The following CMSS1 variants were observed in gnomAD, a reference collection of about 807,000 sequenced individuals.
CMSS1 encodes the protein protein CMSS1.
A neutral mutation model predicts 43.5 loss-of-function variants in CMSS1; 33 were observed. The ratio of observed to expected loss-of-function variants is 0.76; its 90% CI spans 0.57 to 1.01. The LOEUF (loss-of-function observed/expected upper bound fraction) is 1.01, where lower values mean the gene tolerates loss of function less well. Ranked by LOEUF, CMSS1 falls within the 50% of genes least tolerant of loss-of-function variation. CMSS1 has a pLI of 0.00. For missense variants in CMSS1, 313 were observed against 326.4 expected, an observed-to-expected ratio of 0.96 and a Z score of 0.32; for synonymous variants, 115 against 117.2, an observed-to-expected ratio of 0.98 and a Z score of 0.12.
chr3:100,015,096 C>T (rs1308382588), intron 1 of CMSS1, among the ~76,000 whole-genome samples: 1 of 151,654 alleles, frequency 6.6e-6, no homozygotes, highest in Non-Finnish European at 1.5e-5. Flanking sequence ...GGTCTAATTT[C>T]ATTCTTCCTC....
In CMSS1 at chr3:100,162,391, G is replaced by A. The variant is rs1160927944; in HGVS notation, c.314G>A (p.Ser105Asn). 1.2e-6 allele frequency: 2 copies of A among 1,613,324 alleles called. No homozygotes were observed. The highest frequency in any genetic ancestry group is 2.2e-5 in the South Asian group (2 of 91,000). ...AAGCTGATGAAGGACTATTATAGCAGCAGACGCTTGGTGATTGAATTAGAA... is the reference window on the plus strand; with the variant it reads ...AAGCTGATGAAGGACTATTATAGCAACAGACGCTTGGTGATTGAATTAGAA... ...LQKLMKDYYS[S>N]RRLVIELEEL... Residue 105 changes from serine (S) to asparagine (N), a missense_variant, in exon 4 of 10, where the codon AGC becomes AAC. Transcript: ENST00000421999.
At chr3:99,963,092 G>C (rs1708541497) in intron 1 of CMSS1, among the ~76,000 whole-genome samples, 1 of 152,228 alleles carries the variant, frequency 6.6e-6, no homozygotes, top group Non-Finnish European at 1.5e-5. Flanking sequence ...CTGTCAAAGA[G>C]GGTTTAGCCT....
At chr3:100,139,649 T>C (rs2066788576) in intron 1 of CMSS1, among the ~76,000 whole-genome samples, 1 of 149,338 alleles carries the variant, frequency 6.7e-6, no homozygotes, top group Non-Finnish European at 1.5e-5. Context: ...ACACAAAAAT[T>C]AGCTGGGCAT....
At chr3:100,038,982 T>C (rs1268380571) in intron 1 of CMSS1, among the ~76,000 whole-genome samples, 1 of 152,214 alleles carries the variant, frequency 6.6e-6, no homozygotes, top group Non-Finnish European at 1.5e-5. Flanking sequence ...ACACACAATA[T>C]TGCTTGCCTA....
intron 1 of CMSS1, among the ~76,000 whole-genome samples, chr3:100,033,034 A>G (rs553944367): frequency 3.3e-5 from 5 of 152,114 alleles, no homozygotes; most frequent in African/African-American, 7.2e-5. Flanking sequence ...TTTCCACTCT[A>G]CTGTTACCAT....
chr3:99,988,757 C>T (rs1269011537), intron 1 of CMSS1, among the ~76,000 whole-genome samples: 1 of 152,126 alleles, frequency 6.6e-6, no homozygotes, highest in African/African-American at 2.4e-5. Flanking sequence ...ATAACTTTTA[C>T]AGAAACATAG....
intron 1 of CMSS1, among the ~76,000 whole-genome samples, chr3:99,937,266 C>T (rs577083987): frequency 8.5e-5 from 13 of 152,270 alleles, no homozygotes; most frequent in South Asian, 4.2e-4. Context: ...GGACCAATCT[C>T]CAATTTGTTG....
At chr3:100,119,733 C>T (rs1348218909) in intron 1 of CMSS1, among the ~76,000 whole-genome samples, 6 of 152,136 alleles carry the variant, frequency 3.9e-5, no homozygotes, top group Admixed American at 2.0e-4. Flanking sequence ...CATATTAAAC[C>T]AATTAGTCAT....
intron 1 of CMSS1, chr3:99,930,059 C>T (rs752167559): frequency 6.4e-7 from 1 of 1,571,520 alleles, no homozygotes; most frequent in Admixed American, 1.9e-5. Flanking sequence ...TTCAGAAAGC[C>T]TGCTGTCTCT....
intron 8 of CMSS1, among the ~76,000 whole-genome samples, chr3:100,173,444 G>A (rs72936590): frequency 0.044 from 6,735 of 152,272 alleles, 391 homozygotes; most frequent in African/African-American, 0.14. Context: ...CCCAAGGTCT[G>A]TCAGTCTAGG....
chr3:99,977,008 C>T (rs988935955), intron 1 of CMSS1, among the ~76,000 whole-genome samples: 1 of 152,166 alleles, frequency 6.6e-6, no homozygotes, highest in Non-Finnish European at 1.5e-5. Flanking sequence ...CTATGATCAC[C>T]GTTTAGCAAG....
intron 1 of CMSS1, among the ~76,000 whole-genome samples, chr3:99,998,559 G>A (rs1005378488): frequency 6.6e-6 from 1 of 152,168 alleles, no homozygotes; most frequent in Admixed American, 6.5e-5. Context: ...GTATTTTGGA[G>A]CTAATTAAAG....
chr3:100,101,080 T>C (rs2066297125), intron 1 of CMSS1, among the ~76,000 whole-genome samples: 1 of 152,144 alleles, frequency 6.6e-6, no homozygotes, highest in Admixed American at 6.5e-5. Context: ...CCTGGGGGCC[T>C]CTGGAGCTGG....
chr3:100,004,703 T>C (rs1709939049), intron 1 of CMSS1, among the ~76,000 whole-genome samples: 2 of 152,180 alleles, frequency 1.3e-5, no homozygotes, highest in South Asian at 2.1e-4. Flanking sequence ...GAATGAGAAC[T>C]GGGACTAGGT....
At chr3:100,137,273 A>G (rs1017166676) in intron 1 of CMSS1, among the ~76,000 whole-genome samples, 10 of 152,346 alleles carry the variant, frequency 6.6e-5, no homozygotes, top group African/African-American at 1.9e-4. Context: ...CTTCCCAGAG[A>G]ACAGCTGATG....
intron 1 of CMSS1, among the ~76,000 whole-genome samples, chr3:99,863,219 G>A (rs1009374495): frequency 1.3e-5 from 2 of 152,138 alleles, no homozygotes; most frequent in African/African-American, 4.8e-5. Flanking sequence ...TCCCTCACCT[G>A]CACAGTTCAC....
At chr3:99,928,732 C>T (rs752290821) in intron 1 of CMSS1, among the ~76,000 whole-genome samples, 16 of 152,176 alleles carry the variant, frequency 1.1e-4, no homozygotes, top group Non-Finnish European at 2.2e-4. Flanking sequence ...TGCATTTGAG[C>T]TCACAGGGGT....
At chr3:100,138,912 A>G (rs2066778621) in intron 1 of CMSS1, among the ~76,000 whole-genome samples, 2 of 152,216 alleles carry the variant, frequency 1.3e-5, no homozygotes, top group East Asian at 1.9e-4. Flanking sequence ...TTGCAGCACT[A>G]TTTACAATAG....
chr3:99,918,126 C>T (rs772438366), intron 1 of CMSS1, among the ~76,000 whole-genome samples: 101 of 151,922 alleles, frequency 6.6e-4, no homozygotes, highest in Admixed American at 2.4e-3. Flanking sequence ...TACAGGCGCG[C>T]GGCACCACGC....
Sources: gnomAD v4.1 joint callset for allele counts (sites outside exome capture counted in the v4.1 genomes callset) on GRCh38, gnomAD v4.1.1 for gene constraint, MANE v1.5 for transcripts, NCBI Gene and HGNC (gene_info 2026-07-23, HGNC 2026-07-21) for gene names.